YTHDC2: variants seen among roughly 807,000 people sequenced by gnomAD.
YTHDC2 encodes 3'-5' RNA helicase YTHDC2.
A neutral mutation model predicts 174.9 loss-of-function variants in YTHDC2; 45 were observed. The ratio of observed to expected loss-of-function variants is 0.26; its 90% CI spans 0.20 to 0.33. The LOEUF (loss-of-function observed/expected upper bound fraction) is 0.33, where lower values mean the gene tolerates loss of function less well. YTHDC2 is among the 10% of genes least tolerant of loss of function. YTHDC2 has a pLI of 1.00. For missense variants in YTHDC2, 1,650 were observed against 1,723.7 expected (o/e 0.96, Z 0.76); for synonymous variants, 657 against 574.5 (o/e 1.14, Z -2.05).
intron 26 of YTHDC2, among the ~76,000 whole-genome samples, chr5:113,589,452 C>G (rs6594738): frequency 0.34 from 47,701 of 141,798 alleles, 10,339 homozygotes; most frequent in African/African-American, 0.62. Context: ...TCTTCTGGCC[C>G]GGCGTGGTTT....
In YTHDC2 at chr5:113,564,044, C is replaced by T. The variant is rs745561649; in HGVS notation, c.2628C>T (p.Ala876=). 1.2e-5 allele frequency: 19 copies of T among 1,614,082 alleles called. No homozygotes were observed. Among genetic ancestry groups the T allele is most frequent in the Non-Finnish European group, 1.6e-5 (19 of 1,180,018 alleles). The change falls in exon 20 of 30, where the codon GCC becomes GCT. Residue 876 remains alanine (A), a synonymous_variant. Transcript: ENST00000161863. ...YRDPFVLPTQ[A]SQKRAAMLCR... is the part of the protein sequence containing the mutation. ...ATCCTTTTGTACTACCTACTCAGGC[C>T]TCTCAAAAACGTGCAGCTATGCTTT... is the stretch of plus-strand genomic sequence containing the variant.
intron 2 of YTHDC2, among the ~76,000 whole-genome samples, chr5:113,516,477 A>G (rs1773433730): frequency 6.6e-6 from 1 of 152,196 alleles, no homozygotes; most frequent in Non-Finnish European, 1.5e-5. Context: ...ATCAATGTAA[A>G]GGAAGCTTTC....
Position 113,548,568 on chromosome 5 carries a change from C to T in YTHDC2, c.1523C>T (p.Ala508Val). 1.2e-6 allele frequency: 2 copies of T among 1,611,856 alleles called. No homozygotes were observed. Among genetic ancestry groups the T allele is most frequent in the Middle Eastern group, 1.7e-4 (1 of 6,046 alleles). ...GATTACAGACATAGTGAAACCAGTG[C>T]AACAGCTCTGATGGTTGCTGCAGGA... ...SVDYRHSETSATALMVAAGRG... is the reference protein window; with the variant it reads ...SVDYRHSETSVTALMVAAGRG... The change falls in exon 11 of 30, where the codon GCA becomes GTA. Residue 508 changes from alanine (A) to valine (V), a missense_variant. By Grantham distance (64) the Ala-to-Val change is moderately conservative. This residue lies in a region of YTHDC2 where 411 missense variants were observed against 380.6 expected (regional missense o/e 1.08). Coordinates refer to ENST00000161863, the MANE Select transcript of YTHDC2 (RefSeq NM_022828.5).
chr5:113,549,087 A>T (rs1776078040), intron 12 of YTHDC2, 67 bp downstream of exon 12: 10 of 1,360,554 alleles, frequency 7.3e-6, no homozygotes, highest in Non-Finnish European at 1.0e-5. Context: ...CATATAAATT[A>T]TGGGCTATTC....
chr5:113,537,186 C>T (rs1287133727), intron 7 of YTHDC2, among the ~76,000 whole-genome samples: 12 of 151,962 alleles, frequency 7.9e-5, no homozygotes, highest in Admixed American at 7.9e-4. Context: ...ACAGCTTTTG[C>T]CATTTTACTT....
rs554485434 is a variant in YTHDC2, at chr5:113,579,581, G to A, written c.3245-5G>A. 6.3e-7 allele frequency: 1 copy of A among 1,587,592 alleles called. No homozygotes were observed. The highest frequency in any genetic ancestry group is 1.8e-5 in the Admixed American group (1 of 55,550). On this transcript the variant is annotated splice_polypyrimidine_tract_variant and splice_region_variant and intron_variant, in intron 23 of 29. Transcript: ENST00000161863. Reference sequence around the variant, plus strand: ...TGATTTTTTTTTCATTATGTACTTGGACAGTGGATGGCATTCCCAATGACA... The same window carrying A: ...TGATTTTTTTTTCATTATGTACTTGAACAGTGGATGGCATTCCCAATGACA...
chr5:113,572,779 C>T (rs1440848158), intron 23 of YTHDC2, among the ~76,000 whole-genome samples: 3 of 152,144 alleles, frequency 2.0e-5, no homozygotes, highest in African/African-American at 7.2e-5. Context: ...GGATTGCAAC[C>T]ACTGCCTTTT....
At chr5:113,518,608 G>C (rs1773652286) in intron 2 of YTHDC2, among the ~76,000 whole-genome samples, 1 of 141,616 alleles carries the variant, frequency 7.1e-6, no homozygotes, top group African/African-American at 2.6e-5. Context: ...TGTATCTGTA[G>C]GTGTCTGATA....
At chr5:113,531,680 T>C (rs1774680714) in intron 4 of YTHDC2, among the ~76,000 whole-genome samples, 2 of 151,816 alleles carry the variant, frequency 1.3e-5, no homozygotes, top group South Asian at 2.1e-4. Context: ...CCCCCACATC[T>C]GGATGAACTA....
rs80252163 is a variant in YTHDC2 at position 113,584,180 on chromosome 5, A to G, written c.3648-122A>G. ...ATTTTTAAATAATATTCCATAAATC[A>G]TAAGATCATTGGGACTTTGGATTGA... On this transcript the variant is annotated intron_variant, in intron 25 of 29. Transcript: ENST00000161863. The G allele has an allele frequency of 2.0e-3, 1,531 of 749,832 alleles. 4 individuals carry two copies. Among genetic ancestry groups the G allele is most frequent in the Non-Finnish European group, 2.2e-3 (1,061 of 492,370 alleles). The allele number at this position is 749,832 out of a possible 1,614,324, so 46.4% of individuals were successfully genotyped here.
Position 113,534,291 on chromosome 5 carries a change from T to C in YTHDC2, c.843-14T>C, listed in dbSNP as rs1213941322. ...CTTGCAATTGTGCACTTTGTTTTGC[T>C]TTTTTTTTAAAAGGGTTTCTCCAAA... is the stretch of plus-strand genomic sequence containing the variant. On this transcript the variant is annotated splice_polypyrimidine_tract_variant and intron_variant, in intron 5 of 29. Coordinates refer to ENST00000161863, the MANE Select transcript of YTHDC2 (RefSeq NM_022828.5). The C allele has an allele frequency of 6.5e-7, 1 of 1,547,434 alleles. No homozygotes were observed. Among genetic ancestry groups the C allele is most frequent in the Admixed American group, 1.7e-5 (1 of 57,604 alleles).
intron 18 of YTHDC2, among the ~76,000 whole-genome samples, chr5:113,561,413 A>G (rs945235742): frequency 1.3e-5 from 2 of 151,750 alleles, no homozygotes; most frequent in East Asian, 1.9e-4. Context: ...AAATTATGGT[A>G]CAGTTTTAAA....
intron 23 of YTHDC2, among the ~76,000 whole-genome samples, chr5:113,573,717 C>T (rs1021475015): frequency 8.5e-5 from 13 of 152,202 alleles, no homozygotes; most frequent in South Asian, 4.2e-4. Flanking sequence ...GTCAGAAAGA[C>T]GGTCTTCAAG....
chr5:113,561,338 T>C, intron 18 of YTHDC2, 153 bp downstream of exon 18: 1 of 463,116 alleles, frequency 2.2e-6, no homozygotes, highest in Non-Finnish European at 3.7e-6. Flanking sequence ...ATAACAAATA[T>C]TTTTTCTATA....
Position 113,567,263 on chromosome 5 carries a change from CTGCTTCAGT to C in YTHDC2, c.3016_3024del (p.Ala1006_Val1008del). The C allele has an allele frequency of 6.2e-7, 1 of 1,612,956 alleles. No homozygotes were observed. The highest frequency in any genetic ancestry group is 8.5e-7 in the Non-Finnish European group (1 of 1,179,688). On this transcript the variant is annotated inframe_deletion, in exon 22 of 30. Coordinates refer to ENST00000161863, the MANE Select transcript of YTHDC2 (RefSeq NM_022828.5). ...AAGGAGAAAAAAGTACGATTTCATC[CTGCTTCAGT>C]TCTCAGTCAGCCTCAATATAAAAAG...
At chr5:113,535,506 A>G (rs1047196850) in intron 6 of YTHDC2, 136 bp from the exon 7 acceptor site, 1 of 780,600 alleles carries the variant, frequency 1.3e-6, no homozygotes, top group Non-Finnish European at 1.9e-6. Flanking sequence ...TGTAATACAA[A>G]ATTTTCATGA....
chr5:113,531,262 G>A (rs1774642480), intron 4 of YTHDC2, among the ~76,000 whole-genome samples: 2 of 152,160 alleles, frequency 1.3e-5, no homozygotes, highest in Non-Finnish European at 2.9e-5. Context: ...GACATACACT[G>A]ACACAGATAT....
chr5:113,520,355 G>C (rs1773779764), intron 2 of YTHDC2, among the ~76,000 whole-genome samples: 1 of 152,118 alleles, frequency 6.6e-6, no homozygotes, highest in Non-Finnish European at 1.5e-5. Context: ...ACCTAACTCA[G>C]ATAAAGAAGA....
At chr5:113,562,277 G>A (rs909614685) in intron 18 of YTHDC2, among the ~76,000 whole-genome samples, 1 of 117,350 alleles carries the variant, frequency 8.5e-6, no homozygotes, top group African/African-American at 3.2e-5. Flanking sequence ...GGTGTGTGTG[G>A]GTGTGTGTGT....
Sources: gnomAD v4.1 joint callset for allele counts (sites outside exome capture counted in the v4.1 genomes callset) on GRCh38, gnomAD v4.1.1 for gene constraint, gnomAD v4.1.1 regional missense constraint, MANE v1.5 for transcripts, NCBI Gene and HGNC (gene_info 2026-07-23, HGNC 2026-07-21) for gene names.